Variants in VAV2 observed in about 807,000 individuals in gnomAD.
The protein encoded by VAV2 is guanine nucleotide exchange factor VAV2.
VAV2 carries 67 observed loss-of-function variants against 132.5 expected under a neutral mutation model. The observed-to-expected ratio is 0.51, with a 90% confidence interval of 0.42 to 0.62. The LOEUF (loss-of-function observed/expected upper bound fraction) is 0.62. VAV2 is among the 20% of genes least tolerant of loss of function. VAV2 has a pLI of 0.00. For missense variants in VAV2, 938 were observed against 1,153.6 expected, an observed-to-expected ratio of 0.81 and a Z score of 2.71; for synonymous variants, 492 against 443.5, an observed-to-expected ratio of 1.11 and a Z score of -1.37.
intron 17 of VAV2, 28 bp from the exon 18 acceptor site, chr9:133,784,446 T>A (rs1299058197): frequency 6.2e-7 from 1 of 1,611,170 alleles, no homozygotes; most frequent in East Asian, 2.2e-5. Context: ...GAGCAGATGC[T>A]ACACCCACTG....
At chr9:133,806,272 T>G in intron 8 of VAV2, 91 bp from the exon 9 acceptor site, 1 of 1,280,554 alleles carries the variant, frequency 7.8e-7, no homozygotes, top group Non-Finnish European at 1.1e-6. Flanking sequence ...TGTTCTGTAG[T>G]TCCCTCAAGG....
chr9:133,861,506 G>C lies in VAV2; in HGVS notation c.322-74C>G. 4 of 1,546,144 alleles carry C rather than the reference G, an allele frequency of 2.6e-6. 1 individual carries two copies. The South Asian group carries it at 4.7e-5, about 18-fold the overall frequency. ...AAGGCATCACAGAACTGGGGACGCT[G>C]CTTTGCAGGACGTCGAGAACTGTTA... On this transcript the variant is annotated intron_variant, in intron 2 of 29. Coordinates refer to ENST00000371850, the MANE Select transcript of VAV2 (RefSeq NM_001134398.2).
At chr9:133,789,215 C>T (rs111638448) in intron 14 of VAV2, 43 bp downstream of exon 14, 7 of 1,607,386 alleles carry the variant, frequency 4.4e-6, no homozygotes, top group South Asian at 1.1e-5. Flanking sequence ...AGAGCCAGAC[C>T]CTGGCGGGAC....
intron 1 of VAV2, among the ~76,000 whole-genome samples, chr9:133,971,074 G>A (rs618439): frequency 0.2 from 30,157 of 152,148 alleles, 3,295 homozygotes; most frequent in African/African-American, 0.3. Context: ...TGCCTCCTGC[G>A]GGGAGTGGGG....
chr9:133,807,081 T>C (rs1835177904), intron 8 of VAV2, among the ~76,000 whole-genome samples, 177 bp downstream of exon 8: 1 of 152,194 alleles, frequency 6.6e-6, no homozygotes, highest in East Asian at 1.9e-4. Context: ...CTACCCTGGC[T>C]CCTAAATCCA....
chr9:133,855,483 C>A (rs570948424), intron 3 of VAV2, among the ~76,000 whole-genome samples: 4 of 152,352 alleles, frequency 2.6e-5, no homozygotes, highest in East Asian at 1.9e-4. Flanking sequence ...GCTCTCCCGG[C>A]CACTGCAGGA....
In VAV2 at chr9:133,840,529, C is replaced by A. The variant is rs1043802372; in HGVS notation, c.381-6189G>T. On this transcript the variant is annotated intron_variant, in intron 3 of 29. Transcript: ENST00000371850. The surrounding 1 kb of genome is among the most constrained non-coding windows in gnomAD (Gnocchi z 4.5). ...GACAATCACAGTCCCAGTGCTACAG[C>A]CAAATAAGTCACCAGCCAGAGGACA... 2.0e-5 allele frequency among the ~76,000 whole-genome samples: 3 copies of A among 152,150 alleles called. No individual in the cohort carries two copies. Among genetic ancestry groups the A allele is most frequent in the East Asian group, 3.9e-4 (2 of 5,178 alleles).
chr9:133,866,308 G>T lies in VAV2; in HGVS notation c.322-4876C>A, dbSNP rs543771312. 1.1e-4 allele frequency among the ~76,000 whole-genome samples: 16 copies of T among 152,324 alleles called. No individual in the cohort carries two copies. The East Asian group carries it at 2.9e-3, about 28-fold the overall frequency. On this transcript the variant is annotated intron_variant, in intron 2 of 29. Transcript: ENST00000371850. Reference sequence around the variant, plus strand: ...TTTCATTTAAAGAGGGATTCTACGTGTTGGGGGGAGGGGAGGAGCCCACGC... The same window carrying T: ...TTTCATTTAAAGAGGGATTCTACGTTTTGGGGGGAGGGGAGGAGCCCACGC...
At chr9:133,854,338 C>G (rs1215060476) in intron 3 of VAV2, among the ~76,000 whole-genome samples, 5 of 152,242 alleles carry the variant, frequency 3.3e-5, no homozygotes, top group Non-Finnish European at 2.9e-5. Flanking sequence ...CATGTACATA[C>G]ACACACGCGC....
intron 16 of VAV2, 66 bp from the exon 17 acceptor site, chr9:133,785,951 G>C: frequency 1.4e-6 from 2 of 1,399,452 alleles, no homozygotes; most frequent in Non-Finnish European, 2.0e-6. Context: ...ACATGTCCAC[G>C]TGTACTCTCG....
intron 1 of VAV2, among the ~76,000 whole-genome samples, chr9:133,948,724 T>C (rs1158957398): frequency 6.6e-6 from 1 of 152,252 alleles, no homozygotes; most frequent in Non-Finnish European, 1.5e-5. Flanking sequence ...GCTCTTCCAC[T>C]TTCTCCCATA....
Position 133,804,171 on chromosome 9 carries a change from A to G in VAV2, c.836+1910T>C, listed in dbSNP as rs1366826785. ...TTCAGGACTCAGCCAGCAAGCAAGA[A>G]CCAGGACCTTGGGGCCGAATCCGAA... is the stretch of plus-strand genomic sequence containing the variant. On this transcript the variant is annotated intron_variant, in intron 9 of 29. Transcript: ENST00000371850. This position sits in a 1 kb window ranked among gnomAD's most constrained non-coding sequence, Gnocchi z 4.5. Among the ~76,000 whole-genome samples, 1 of 152,202 alleles carries G rather than the reference A, an allele frequency of 6.6e-6. No individual in the cohort carries two copies. Among genetic ancestry groups the G allele is most frequent in the Non-Finnish European group, 1.5e-5 (1 of 68,028 alleles).
intron 1 of VAV2, among the ~76,000 whole-genome samples, chr9:133,948,073 GA>G (rs988486271): frequency 6.6e-6 from 1 of 152,136 alleles, no homozygotes; most frequent in African/African-American, 2.4e-5. Context: ...TTACAGGTGT[GA>G]GCCACTATGC....
At chr9:133,772,209 C>G (rs1220448845) in intron 25 of VAV2, among the ~76,000 whole-genome samples, 163 bp from the exon 26 acceptor site, 1 of 147,376 alleles carries the variant, frequency 6.8e-6, no homozygotes, top group African/African-American at 2.5e-5. Flanking sequence ...TTCGGGCCAC[C>G]AGCCCCAGAC....
chr9:133,911,152 G>A (rs947875427), intron 2 of VAV2, among the ~76,000 whole-genome samples: 3 of 152,212 alleles, frequency 2.0e-5, no homozygotes, highest in Non-Finnish European at 4.4e-5. Context: ...GTATTCACGC[G>A]TGCACTGGGG....
At chr9:133,881,188 G>C (rs1838481450) in intron 2 of VAV2, among the ~76,000 whole-genome samples, 1 of 152,254 alleles carries the variant, frequency 6.6e-6, no homozygotes, top group Admixed American at 6.5e-5. Flanking sequence ...ATACGACCCG[G>C]AGAACTTGTC....
At chr9:133,962,622 C>T (rs1842002243) in intron 1 of VAV2, among the ~76,000 whole-genome samples, 2 of 152,198 alleles carry the variant, frequency 1.3e-5, no homozygotes, top group South Asian at 2.1e-4. Context: ...CCCTCCCCGC[C>T]CCACCCCCCA....
At chr9:133,869,044 T>A (rs1837920764) in intron 2 of VAV2, among the ~76,000 whole-genome samples, 2 of 151,614 alleles carry the variant, frequency 1.3e-5, no homozygotes, top group Admixed American at 1.3e-4. Flanking sequence ...TCACCCAGGC[T>A]GGAGTGCAGT....
chr9:133,838,637 G>A (rs193111010), intron 3 of VAV2, among the ~76,000 whole-genome samples: 1 of 146,128 alleles, frequency 6.8e-6, no homozygotes, highest in Non-Finnish European at 1.5e-5. Flanking sequence ...GTGGGTAGGT[G>A]AATGTATAGA....
Sources: gnomAD v4.1 joint callset for allele counts (sites outside exome capture counted in the v4.1 genomes callset) on GRCh38, gnomAD v4.1.1 for gene constraint, Gnocchi (gnomAD v3.1) non-coding constraint, MANE v1.5 for transcripts, NCBI Gene and HGNC (gene_info 2026-07-23, HGNC 2026-07-21) for gene names.